Variants in CELF2 observed in about 807,000 individuals in gnomAD.
CELF2 encodes the protein CUGBP Elav-like family member 2, also known as CUG triplet repeat RNA-binding protein 2.
Under a neutral mutation model 62.6 loss-of-function variants are expected in CELF2, and 8 were observed. The ratio of observed to expected loss-of-function variants is 0.13; its 90% confidence interval spans 0.07 to 0.23. The LOEUF is 0.23. CELF2 is among the 10% of genes least tolerant of loss of function. The pLI is 1.00. For missense variants in CELF2, 333 were observed against 671.0 expected, an observed-to-expected ratio of 0.50 and a Z score of 5.56; for synonymous variants, 258 against 250.0, an observed-to-expected ratio of 1.03 and a Z score of -0.30.
chr10:10,518,939 G>A, the CELF2 span, among the ~76,000 whole-genome samples: 2 of 152,082 alleles, frequency 1.3e-5, no homozygotes, highest in Non-Finnish European at 2.9e-5. Context: ...AATTTGTCAG[G>A]ACTTCAGACC....
At chr10:11,230,461 G>C (rs1434214142) in intron 3 of CELF2, among the ~76,000 whole-genome samples, 2 of 152,174 alleles carry the variant, frequency 1.3e-5, no homozygotes, top group Non-Finnish European at 2.9e-5. Context: ...CACACTTCTC[G>C]CAAGTGCTGG....
At chr10:11,009,007 G>A (rs1163505621) in intron 1 of CELF2, among the ~76,000 whole-genome samples, 1 of 13,960 alleles carries the variant, frequency 7.2e-5, no homozygotes, top group African/African-American at 2.1e-3. Context: ...GGAATTTGCG[G>A]GGGGGGGGGG....
At chr10:11,005,285 AGAGAGAGAGGGAG>A, upstream of CELF2, 1 of 1,591,212 alleles carries the variant, frequency 6.3e-7, no homozygotes, top group African/African-American at 1.4e-5. This position sits in a 1 kb window ranked among gnomAD's most constrained non-coding sequence, Gnocchi z 4.3. Context: ...AGAGAGAGAG[AGAGAGAGAGGGAG>A]GAGAGGGCGC....
chr10:10,693,624 G>A, the CELF2 span, among the ~76,000 whole-genome samples: 1 of 151,296 alleles, frequency 6.6e-6, no homozygotes, highest in Non-Finnish European at 1.5e-5. Flanking sequence ...GAATTCGGCT[G>A]TGAATCCGTC....
At chr10:10,606,908 T>C in the CELF2 span, among the ~76,000 whole-genome samples, 3 of 152,332 alleles carry the variant, frequency 2.0e-5, no homozygotes, top group Non-Finnish European at 2.9e-5. Context: ...TGTTAAGAAC[T>C]AACTGTGTAC....
chr10:11,160,140 A>G (rs916935130), intron 1 of CELF2, among the ~76,000 whole-genome samples: 1 of 152,250 alleles, frequency 6.6e-6, no homozygotes, highest in Non-Finnish European at 1.5e-5. Flanking sequence ...TATCTAAATT[A>G]GCTTTTCCAT....
chr10:10,758,389 G>A, the CELF2 span, among the ~76,000 whole-genome samples: 1 of 152,128 alleles, frequency 6.6e-6, no homozygotes. Context: ...TCAGCACTAC[G>A]ACTCTTTGGC....
At chr10:10,479,833 T>C in the CELF2 span, among the ~76,000 whole-genome samples, 1 of 152,250 alleles carries the variant, frequency 6.6e-6, no homozygotes, top group Non-Finnish European at 1.5e-5. Flanking sequence ...TGTCATGGTT[T>C]CTTAATAAAT....
intron 1 of CELF2, among the ~76,000 whole-genome samples, chr10:10,822,952 G>A (rs546670734): frequency 6.6e-6 from 1 of 152,292 alleles, no homozygotes; most frequent in African/African-American, 2.4e-5. Flanking sequence ...TTTCATTTGT[G>A]AGGCAAGGTT....
the CELF2 span, among the ~76,000 whole-genome samples, chr10:10,504,837 T>C: frequency 1.3e-5 from 2 of 152,170 alleles, no homozygotes; most frequent in Non-Finnish European, 1.5e-5. Flanking sequence ...CACTGAGCTT[T>C]TTATTTTGGT....
chr10:10,623,651 G>A, the CELF2 span, among the ~76,000 whole-genome samples: 1 of 152,154 alleles, frequency 6.6e-6, no homozygotes, highest in Non-Finnish European at 1.5e-5. Context: ...TTAAGAAGCA[G>A]ATGGACCCAC....
the CELF2 span, among the ~76,000 whole-genome samples, chr10:10,565,149 G>A: frequency 6.6e-6 from 1 of 152,224 alleles, no homozygotes; most frequent in African/African-American, 2.4e-5. Flanking sequence ...AGAAGGTAGG[G>A]TGAGGAGAGG....
rs2074942372 is a variant in CELF2, at chr10:11,244,310, C to T, written c.355-4843C>T. Among the ~76,000 whole-genome samples, 1 of 152,364 alleles carries T rather than the reference C, an allele frequency of 6.6e-6. No individual in the cohort carries two copies. Among genetic ancestry groups the T allele is most frequent in the Non-Finnish European group, 1.5e-5 (1 of 68,034 alleles). On this transcript the variant is annotated intron_variant, in intron 3 of 12. Coordinates refer to ENST00000633077, the MANE Select transcript of CELF2 (RefSeq NM_001326342.2). The surrounding 1 kb of genome is among the most constrained non-coding windows in gnomAD (Gnocchi z 4.2). ...GTCCAGCCTATGAACATATCCCTCA[C>T]TGTTAGTCTTGTGCTTTAGGTGTCT...
At chr10:10,849,350 T>C (rs530416681) in intron 1 of CELF2, among the ~76,000 whole-genome samples, 4 of 152,180 alleles carry the variant, frequency 2.6e-5, no homozygotes, top group African/African-American at 9.6e-5. Flanking sequence ...GAGGTTGCAG[T>C]GAGCAGAGAT....
intron 10 of CELF2, chr10:11,320,987 G>T: frequency 6.9e-7 from 1 of 1,441,626 alleles, no homozygotes; most frequent in South Asian, 1.3e-5. Flanking sequence ...AGGGAGTGAG[G>T]GTTCTCATGG....
chr10:10,525,206 C>T, the CELF2 span, among the ~76,000 whole-genome samples: 6 of 152,122 alleles, frequency 3.9e-5, no homozygotes, highest in Non-Finnish European at 7.4e-5. Context: ...GCAGTCACCA[C>T]GCCATACAGT....
At chr10:10,955,812 G>C (rs777278616) in intron 2 of CELF2, among the ~76,000 whole-genome samples, 1 of 152,224 alleles carries the variant, frequency 6.6e-6, no homozygotes, top group African/African-American at 2.4e-5. Flanking sequence ...GGAAGATTCT[G>C]TGTTCATGCA....
chr10:11,109,608 G>C (rs2054573117), intron 1 of CELF2, among the ~76,000 whole-genome samples: 1 of 152,144 alleles, frequency 6.6e-6, no homozygotes, highest in African/African-American at 2.4e-5. Flanking sequence ...GACACAGCTA[G>C]GCACTCTCTG....
intron 2 of CELF2, among the ~76,000 whole-genome samples, chr10:10,944,028 C>G (rs1449986576): frequency 6.6e-6 from 1 of 152,190 alleles, no homozygotes; most frequent in Admixed American, 6.5e-5. Flanking sequence ...TATGAAATAA[C>G]ATAGTAGAAG....
Sources: allele counts gnomAD v4.1 joint callset (sites outside exome capture counted in the v4.1 genomes callset), GRCh38; gene constraint gnomAD v4.1.1; non-coding constraint Gnocchi (gnomAD v3.1); transcripts MANE v1.5; gene names NCBI Gene and HGNC (gene_info 2026-07-23, HGNC 2026-07-21).